The following PSIP1 variants were observed in gnomAD, a reference collection of about 807,000 sequenced individuals.
PSIP1 encodes PC4 and SRSF1 interacting protein 1, also known as PC4 and SFRS1-interacting protein.
In PSIP1, 19 loss-of-function variants were observed where a neutral mutation model predicts 74.7. That is an observed-to-expected ratio of 0.25 (90% CI 0.18 to 0.37). The LOEUF (loss-of-function observed/expected upper bound fraction) is 0.37, where lower values mean the gene tolerates loss of function less well. Among genes scored for constraint, PSIP1 ranks in the 10% least tolerant of loss-of-function variants. The pLI is 1.00. For missense variants in PSIP1, 601 were observed against 614.3 expected, an observed-to-expected ratio of 0.98 and a Z score of 0.23; for synonymous variants, 222 against 195.3, an observed-to-expected ratio of 1.14 and a Z score of -1.14.
chr9:15,480,309 A>G (rs929884577), intron 6 of PSIP1, among the ~76,000 whole-genome samples: 3 of 152,234 alleles, frequency 2.0e-5, no homozygotes, highest in Non-Finnish European at 2.9e-5. Flanking sequence ...ATAACTGCAA[A>G]AGGAGGAAAG....
intron 3 of PSIP1, among the ~76,000 whole-genome samples, chr9:15,499,194 C>G (rs1409338097): frequency 6.6e-6 from 1 of 152,128 alleles, no homozygotes; most frequent in African/African-American, 2.4e-5. Flanking sequence ...TTGGACTTTC[C>G]TTTAACCATT....
chr9:15,468,705 G>C lies in PSIP1; in HGVS notation c.1345C>G (p.Gln449Glu), dbSNP rs376012030. ...VLNKSLAEQRQHEEANKTKDQ... is the reference protein window; with the variant it reads ...VLNKSLAEQREHEEANKTKDQ... ...TTGGTTTTATTCGCTTCCTCATGCT[G>C]TCTTTGTTCAGCAAGAGATTTATTC... The change falls in exon 14 of 16, where the codon CAG (glutamine) becomes GAG (glutamate). Residue 449 changes from glutamine (Q) to glutamate (E), a missense_variant. This residue lies in a region of PSIP1 where 538 missense variants were observed against 507.6 expected (regional missense o/e 1.06). Coordinates refer to ENST00000380733, the MANE Select transcript of PSIP1 (RefSeq NM_033222.5). The C allele has an allele frequency of 6.2e-7, 1 of 1,614,028 alleles. No homozygotes were observed. The highest frequency in any genetic ancestry group is 8.5e-7 in the Non-Finnish European group (1 of 1,179,986).
intron 6 of PSIP1, among the ~76,000 whole-genome samples, chr9:15,481,183 T>C (rs920868907): frequency 6.6e-6 from 1 of 152,196 alleles, no homozygotes; most frequent in Non-Finnish European, 1.5e-5. Flanking sequence ...CCTGATTCAA[T>C]AGCTCTGAGT....
chr9:15,491,611 A>T (rs2036836953), intron 3 of PSIP1, among the ~76,000 whole-genome samples: 1 of 152,252 alleles, frequency 6.6e-6, no homozygotes, highest in African/African-American at 2.4e-5. Context: ...CAATAAGTCC[A>T]CTGTAAATCT....
chr9:15,474,048 G>T lies in PSIP1; in HGVS notation c.819C>A (p.Ser273=). The T allele has an allele frequency of 3.1e-6, 5 of 1,612,512 alleles. No individual in the cohort carries two copies. The highest frequency in any genetic ancestry group is 4.2e-6 in the Non-Finnish European group (5 of 1,179,724). ...GATCATCTCCTTCTTCTTCAGAATC[G>T]GAGGTTGAAGTAACCCCTGTTTTAG... ...NLAKTGVTST[S]DSEEEGDDQE... The change falls in exon 9 of 16, where the codon TCC becomes TCA. Residue 273 remains serine, a synonymous_variant. Transcript: ENST00000380733.
chr9:15,494,422 A>G (rs2036976351), intron 3 of PSIP1, among the ~76,000 whole-genome samples: 1 of 151,870 alleles, frequency 6.6e-6, no homozygotes, highest in Non-Finnish European at 1.5e-5. Context: ...AAAATTAGCC[A>G]GGCGTGGTGG....
intron 8 of PSIP1, 95 bp from the exon 9 acceptor site, chr9:15,474,332 T>C: frequency 3.8e-6 from 4 of 1,046,492 alleles, no homozygotes; most frequent in Non-Finnish European, 5.5e-6. Flanking sequence ...AAGGCAAATC[T>C]AAAACAAAGT....
intron 3 of PSIP1, among the ~76,000 whole-genome samples, chr9:15,493,420 C>A (rs1205852397): frequency 1.3e-5 from 2 of 152,190 alleles, no homozygotes; most frequent in Non-Finnish European, 2.9e-5. Context: ...TCTCAACTTT[C>A]CCACATTTTC....
At chr9:15,484,576 A>G (rs1372326644) in intron 6 of PSIP1, among the ~76,000 whole-genome samples, 3 of 151,898 alleles carry the variant, frequency 2.0e-5, no homozygotes, top group Non-Finnish European at 4.4e-5. Context: ...AATACAAAAA[A>G]ATTAGGTGTG....
chr9:15,469,447 A>G, intron 11 of PSIP1, 111 bp from the exon 12 acceptor site: 1 of 627,232 alleles, frequency 1.6e-6, no homozygotes. Context: ...TGTTCTTAGT[A>G]ATCTTTACTA....
At chr9:15,510,600 C>T (rs951726721) in intron 1 of PSIP1, among the ~76,000 whole-genome samples, 1 of 152,042 alleles carries the variant, frequency 6.6e-6, no homozygotes, top group Admixed American at 6.5e-5. Context: ...CGAGCTTAAG[C>T]CCCAAAAGGG....
intron 6 of PSIP1, among the ~76,000 whole-genome samples, chr9:15,480,740 G>C (rs12236309): frequency 6.6e-6 from 1 of 152,266 alleles, no homozygotes; most frequent in East Asian, 1.9e-4. Context: ...TGGCCAACAC[G>C]ATGAAACCCT....
rs758275815 is a variant in PSIP1, at chr9:15,507,280, T to G, written c.73-643A>C. 3.6e-4 allele frequency among the ~76,000 whole-genome samples: 55 copies of G among 152,204 alleles called. 1 individual carries two copies. The highest frequency in any genetic ancestry group is 6.2e-4 in the South Asian group (3 of 4,832). On this transcript the variant is annotated intron_variant, in intron 2 of 15. Transcript: ENST00000380733. ...GGTGCTGTCACGTCTAATATATCCATAATACTTGTTACTTTCCCTCATCAA... is the reference window on the plus strand; with the variant it reads ...GGTGCTGTCACGTCTAATATATCCAGAATACTTGTTACTTTCCCTCATCAA...
At chr9:15,507,214 G>A (rs1312358825) in intron 2 of PSIP1, among the ~76,000 whole-genome samples, 1 of 152,138 alleles carries the variant, frequency 6.6e-6, no homozygotes, top group Non-Finnish European at 1.5e-5. Flanking sequence ...CTTTTTCACT[G>A]CTCTTTCAAC....
chr9:15,503,394 A>G (rs2037435474), intron 3 of PSIP1, among the ~76,000 whole-genome samples: 1 of 148,108 alleles, frequency 6.8e-6, no homozygotes, highest in South Asian at 2.1e-4. Context: ...AAAATAAAGT[A>G]GCCTGTAATC....
chr9:15,467,983 G>C (rs1244831968), intron 14 of PSIP1, among the ~76,000 whole-genome samples: 1 of 152,140 alleles, frequency 6.6e-6, no homozygotes, highest in African/African-American at 2.4e-5. Flanking sequence ...AGCTAGGTGT[G>C]GTGGCGTATG....
At chr9:15,479,848 T>G (rs184581622) in intron 6 of PSIP1, among the ~76,000 whole-genome samples, 161 bp from the exon 7 acceptor site, 1 of 152,278 alleles carries the variant, frequency 6.6e-6, no homozygotes, top group Admixed American at 6.5e-5. Context: ...AAGAGTAACA[T>G]CTTCAAACTT....
Position 15,468,977 on chromosome 9 carries a change from T to C in PSIP1, c.1186A>G (p.Met396Val). The C allele has an allele frequency of 2.5e-6, 4 of 1,613,978 alleles. No individual in the cohort carries two copies. Among genetic ancestry groups the C allele is most frequent in the Non-Finnish European group, 3.4e-6 (4 of 1,179,938 alleles). ...TMQQAQKHTE[M>V]ITTLKKIRRF... ...CTTACTTTTTTCAGTGTAGTAATCA[T>C]CTCTGTGTGTTTCTGAGCTTGTTGC... The change falls in exon 13 of 16, where the codon ATG becomes GTG. Residue 396 changes from methionine to valine, a missense_variant. Transcript: ENST00000380733.
rs1384621219 is a variant in PSIP1 at position 15,510,314 on chromosome 9, C to T, written c.-126G>A. 3.7e-6 allele frequency: 2 copies of T among 540,522 alleles called. No homozygotes were observed. The highest frequency in any genetic ancestry group is 5.9e-6 in the Non-Finnish European group (2 of 339,040). The allele number at this position is 540,522 out of a possible 1,614,324, so 33.5% of individuals were successfully genotyped here. On this transcript the variant is annotated 5_prime_UTR_variant, in exon 2 of 16. Transcript: ENST00000380733. ...GCGGGCGGGGGAGGATGCCTCGGGGCGTCCCGACGCGCCTGCTAGGGAGAG... is the reference window on the plus strand; with the variant it reads ...GCGGGCGGGGGAGGATGCCTCGGGGTGTCCCGACGCGCCTGCTAGGGAGAG...
Sources: allele counts gnomAD v4.1 joint callset (sites outside exome capture counted in the v4.1 genomes callset), GRCh38; gene constraint gnomAD v4.1.1; regional missense constraint gnomAD v4.1.1; transcripts MANE v1.5; gene names NCBI Gene and HGNC (gene_info 2026-07-23, HGNC 2026-07-21).